Variants in DLC1 observed in about 807,000 individuals in gnomAD.
DLC1 encodes DLC1 Rho GTPase activating protein, also known as rho GTPase-activating protein 7.
DLC1 carries 54 observed loss-of-function variants against 140.3 expected under a neutral mutation model. That is an observed-to-expected ratio of 0.38 (90% CI 0.31 to 0.48). DLC1 has a LOEUF of 0.48. DLC1 is among the 20% of genes least tolerant of loss of function. The pLI, the probability that DLC1 is intolerant of heterozygous loss-of-function variation, is 0.96. For missense variants in DLC1, 2,536 were observed against 1,907.0 expected, an observed-to-expected ratio of 1.33 and a Z score of -6.14; for synonymous variants, 986 against 728.1, an observed-to-expected ratio of 1.35 and a Z score of -5.70.
rs559465412 is a variant in DLC1 at position 13,137,842 on chromosome 8, C to T, written c.1349-22185G>A. 8.6e-5 allele frequency among the ~76,000 whole-genome samples: 13 copies of T among 152,010 alleles called. No homozygotes were observed. In the East Asian group the frequency reaches 2.5e-3, roughly 30 times the overall value. The stretch of plus-strand genomic sequence containing the variant: ...CGAACTCCTGATCTCAGCTGATCTG[C>T]CCGCCTCAGCCTCCCAAAGTGCTGG... On this transcript the variant is annotated intron_variant, in intron 5 of 17. Coordinates refer to ENST00000276297, the MANE Select transcript of DLC1 (RefSeq NM_182643.3).
rs1389728591 is a variant in DLC1, at chr8:13,499,962, G to A, written c.110C>T (p.Ala37Val). The change falls in exon 2 of 18, where the codon GCT (alanine) becomes GTT (valine). Residue 37 changes from alanine to valine, a missense_variant. Coordinates refer to ENST00000276297, the MANE Select transcript of DLC1 (RefSeq NM_182643.3). ...RNTACHHGLV[A>V]DSLQASMEKD... The stretch of plus-strand genomic sequence containing the variant: ...TTCCATACTTGCCTGCAAGCTGTCA[G>A]CTACTAGTCCATGATGACATGCTGT... 6.2e-7 allele frequency: 1 copy of A among 1,614,066 alleles called. No homozygotes were observed. The highest frequency in any genetic ancestry group is 1.7e-5 in the Admixed American group (1 of 60,014).
chr8:13,415,812 A>G (rs1035030556), intron 2 of DLC1, among the ~76,000 whole-genome samples: 2 of 152,166 alleles, frequency 1.3e-5, no homozygotes, highest in East Asian at 1.9e-4. Flanking sequence ...CATATACACA[A>G]ACTGATAAAT....
chr8:13,208,737 T>C (rs1022353944), intron 5 of DLC1, among the ~76,000 whole-genome samples: 8 of 104,520 alleles, frequency 7.7e-5, no homozygotes, highest in Non-Finnish European at 1.4e-4. Context: ...CACACACACA[T>C]ACACACAGAC....
rs535092622 is a variant in DLC1 at position 13,345,547 on chromosome 8, C to CTTTTTTTTTTTTTTTTTTTTTTTT, written c.1315-40246_1315-40245insAAAAAAAAAAAAAAAAAAAAAAAA. On this transcript the variant is annotated intron_variant, in intron 4 of 17. Coordinates refer to ENST00000276297, the MANE Select transcript of DLC1 (RefSeq NM_182643.3). Reference sequence around the variant, plus strand: ...GATTATCTGAAATTTTTCACTCACACTTTTTTTTTTTTTTTTTTTTTTTGG... The same window carrying CTTTTTTTTTTTTTTTTTTTTTTTT: ...GATTATCTGAAATTTTTCACTCACACTTTTTTTTTTTTTTTTTTTTTTTTTTTTTTTTTTTTTTTTTTTTTTTGG... 5.0e-4 allele frequency among the ~76,000 whole-genome samples: 34 copies of CTTTTTTTTTTTTTTTTTTTTTTTT among 67,516 alleles called. 2 individuals carry two copies. Among genetic ancestry groups the CTTTTTTTTTTTTTTTTTTTTTTTT allele is most frequent in the Non-Finnish European group, 7.7e-4 (30 of 38,918 alleles). The allele number at this position is 67,516 out of a possible 152,430, so 44.3% of individuals were successfully genotyped here. A position where few individuals can be genotyped will look rare whatever the true frequency, so the allele number is the denominator to read the frequency against.
chr8:13,455,299 C>G (rs1426587878), intron 2 of DLC1, among the ~76,000 whole-genome samples: 2 of 152,216 alleles, frequency 1.3e-5, no homozygotes, highest in Non-Finnish European at 2.9e-5. Context: ...CAGAAACATC[C>G]TTGGCCGGTC....
chr8:13,162,523 A>G (rs1824783434), intron 5 of DLC1, among the ~76,000 whole-genome samples: 1 of 152,078 alleles, frequency 6.6e-6, no homozygotes, highest in Non-Finnish European at 1.5e-5. Flanking sequence ...GGGTTTCACC[A>G]TGTTGGCCAG....
chr8:13,583,490 A>G (rs957451899), intron 1 of DLC1, among the ~76,000 whole-genome samples: 2 of 152,196 alleles, frequency 1.3e-5, no homozygotes, highest in African/African-American at 4.8e-5. Context: ...TTTCTATCAT[A>G]TCTGCGACAA....
In DLC1 at chr8:13,096,553, G is replaced by A. The variant is rs117931005; in HGVS notation, c.3168-1308C>T. Reference sequence around the variant, plus strand: ...TGTCGGGGGAGAAAAGCCCGACGGCGGAATGTGAAAAGAACACATTACGAT... The same window carrying A: ...TGTCGGGGGAGAAAAGCCCGACGGCAGAATGTGAAAAGAACACATTACGAT... On this transcript the variant is annotated intron_variant, in intron 10 of 17. Coordinates refer to ENST00000276297, the MANE Select transcript of DLC1 (RefSeq NM_182643.3). Among the ~76,000 whole-genome samples the A allele has an allele frequency of 7.4e-3, 1,128 of 151,952 alleles. 8 individuals are homozygous for A. Among genetic ancestry groups the A allele is most frequent in the Non-Finnish European group, 0.012 (801 of 67,956 alleles).
intron 4 of DLC1, among the ~76,000 whole-genome samples, chr8:13,383,860 G>A (rs1311968941): frequency 4.6e-5 from 7 of 152,142 alleles, no homozygotes; most frequent in Admixed American, 2.6e-4. Flanking sequence ...CTGGTAAAAC[G>A]TTTAGAGAAC....
chr8:13,223,851 T>C (rs905602535), intron 5 of DLC1, among the ~76,000 whole-genome samples: 3 of 152,210 alleles, frequency 2.0e-5, no homozygotes, highest in African/African-American at 7.2e-5. Context: ...GTGGTTAATA[T>C]GTTTCACTAA....
At chr8:13,239,315 T>C (rs1289441341) in intron 5 of DLC1, among the ~76,000 whole-genome samples, 1 of 151,862 alleles carries the variant, frequency 6.6e-6, no homozygotes, top group African/African-American at 2.4e-5. Context: ...AGTACTGGGA[T>C]GCTGTGTAGG....
intron 1 of DLC1, among the ~76,000 whole-genome samples, chr8:13,592,888 A>T (rs1805564915): frequency 6.6e-6 from 1 of 152,084 alleles, no homozygotes; most frequent in Non-Finnish European, 1.5e-5. Context: ...TGATTCTATT[A>T]CTTATAATTA....
chr8:13,102,262 C>T (rs1182964441), intron 8 of DLC1, among the ~76,000 whole-genome samples: 3 of 152,212 alleles, frequency 2.0e-5, no homozygotes, highest in Non-Finnish European at 4.4e-5. Context: ...CCATCCAGCT[C>T]GGTTGTGTAC....
chr8:13,260,759 A>T (rs766422020), intron 5 of DLC1, among the ~76,000 whole-genome samples: 18 of 152,168 alleles, frequency 1.2e-4, no homozygotes, highest in Non-Finnish European at 2.1e-4. Flanking sequence ...TAATTTAGAG[A>T]TAGCTTAAGA....
chr8:13,380,176 A>G (rs769804136), intron 4 of DLC1, among the ~76,000 whole-genome samples: 1 of 152,234 alleles, frequency 6.6e-6, no homozygotes, highest in Non-Finnish European at 1.5e-5. Flanking sequence ...AAGCTGCATA[A>G]TAGAAAATTA....
chr8:13,333,384 C>A (rs1479537264), intron 4 of DLC1, among the ~76,000 whole-genome samples: 2 of 146,976 alleles, frequency 1.4e-5, no homozygotes, highest in South Asian at 2.2e-4. Context: ...CACCACCGTG[C>A]CTGGCTGATT....
chr8:13,420,567 C>T (rs554390383), intron 2 of DLC1, among the ~76,000 whole-genome samples: 4 of 152,152 alleles, frequency 2.6e-5, no homozygotes, highest in African/African-American at 9.6e-5. Context: ...TTAACCCCCT[C>T]AACCCCTGAC....
chr8:13,499,257 G>C lies in DLC1; in HGVS notation c.815C>G (p.Thr272Arg). ...CTNRGLPLLKTDFGSCLLQPP... is the reference protein window; with the variant it reads ...CTNRGLPLLKRDFGSCLLQPP... Reference sequence around the variant, plus strand: ...CTGCAGAAGGCAGCTTCCAAAATCTGTTTTTAATAATGGCAGTCCTCTGTT... The same window carrying C: ...CTGCAGAAGGCAGCTTCCAAAATCTCTTTTTAATAATGGCAGTCCTCTGTT... The change falls in exon 2 of 18, where the codon ACA becomes AGA. Residue 272 changes from threonine to arginine, a missense_variant. By Grantham distance (71) the Thr-to-Arg change is moderately conservative. Transcript: ENST00000276297. The C allele has an allele frequency of 6.2e-7, 1 of 1,614,032 alleles. No individual in the cohort carries two copies. The highest frequency in any genetic ancestry group is 2.2e-5 in the East Asian group (1 of 44,896).
intron 5 of DLC1, among the ~76,000 whole-genome samples, chr8:13,260,500 G>A (rs1830432478): frequency 6.6e-6 from 1 of 152,160 alleles, no homozygotes; most frequent in African/African-American, 2.4e-5. Context: ...AGTTAATTGT[G>A]GAGATAATGA....
Sources: allele counts gnomAD v4.1 joint callset (sites outside exome capture counted in the v4.1 genomes callset), GRCh38; gene constraint gnomAD v4.1.1; transcripts MANE v1.5; gene names NCBI Gene and HGNC (gene_info 2026-07-23, HGNC 2026-07-21).